ANXA8: variants seen among roughly 807,000 people sequenced by gnomAD.
The protein encoded by ANXA8 is VAC-beta.
Under a neutral mutation model 26.8 loss-of-function variants are expected in ANXA8, and 9 were observed. The ratio of observed to expected loss-of-function variants is 0.34; its 90% CI spans 0.20 to 0.59. ANXA8 has a LOEUF of 0.59. Among genes scored for constraint, ANXA8 ranks in the 20% least tolerant of loss-of-function variants. ANXA8 has a pLI of 0.84. For missense variants in ANXA8, 83 were observed against 238.5 expected, an observed-to-expected ratio of 0.35 and a Z score of 4.29; for synonymous variants, 39 against 94.8, an observed-to-expected ratio of 0.41 and a Z score of 3.42.
At chr10:47,667,370 C>A in the ANXA8 span, among the ~76,000 whole-genome samples, 2 of 151,940 alleles carry the variant, frequency 1.3e-5, no homozygotes, top group African/African-American at 4.8e-5. Flanking sequence ...TATTGTTAGC[C>A]ATTTCCCTCT....
chr10:47,651,296 A>AT, the ANXA8 span, among the ~76,000 whole-genome samples: 21 of 150,034 alleles, frequency 1.4e-4, no homozygotes, highest in East Asian at 1.7e-3. Context: ...AAAAAAAAAA[A>AT]ACCCAAAAAA....
chr10:47,988,269 C>T, the ANXA8 span, among the ~76,000 whole-genome samples: 3 of 14,004 alleles, frequency 2.1e-4, no homozygotes, highest in African/African-American at 4.7e-4. Context: ...CCTGAGGAGC[C>T]TCCCCTGGCC....
the ANXA8 span, among the ~76,000 whole-genome samples, chr10:47,552,965 G>A: frequency 1.0e-3 from 138 of 137,884 alleles, no homozygotes; most frequent in East Asian, 2.9e-3. Context: ...AAGTGAGTCA[G>A]AGGCTTCTCA....
intron 5 of ANXA8, 29 bp from the exon 6 acceptor site, chr10:47,475,601 A>AG: frequency 5.3e-6 from 8 of 1,496,060 alleles, no homozygotes; most frequent in Non-Finnish European, 7.4e-6. Context: ...ATGAGGCACA[A>AG]GCAGAGGCCC....
the ANXA8 span, among the ~76,000 whole-genome samples, chr10:47,678,598 C>A: frequency 6.6e-6 from 1 of 151,750 alleles, no homozygotes; most frequent in South Asian, 2.1e-4. Flanking sequence ...AGCAGTAGAA[C>A]CTATTCACAT....
the ANXA8 span, chr10:47,986,562 G>A: frequency 0.018 from 6,142 of 338,876 alleles, 165 homozygotes; most frequent in Middle Eastern, 0.055. Flanking sequence ...GGGCCAGGGC[G>A]GTGCAGCAGT....
At chr10:47,770,316 A>G in the ANXA8 span, among the ~76,000 whole-genome samples, 5 of 95,806 alleles carry the variant, frequency 5.2e-5, no homozygotes, top group Non-Finnish European at 1.0e-4. Context: ...ATGATGCGGC[A>G]GAGGCTGGAA....
the ANXA8 span, among the ~76,000 whole-genome samples, chr10:47,707,273 T>G: frequency 2.3e-4 from 33 of 144,058 alleles, 3 homozygotes; most frequent in South Asian, 6.6e-3. Flanking sequence ...AGGATTCTTA[T>G]TTCTGATCAA....
chr10:47,733,343 G>A, the ANXA8 span, among the ~76,000 whole-genome samples: 1 of 122,766 alleles, frequency 8.1e-6, no homozygotes, highest in African/African-American at 3.4e-5. Flanking sequence ...TCTCTCATCA[G>A]AAGAGGTCTT....
At chr10:47,666,889 T>G in the ANXA8 span, among the ~76,000 whole-genome samples, 2 of 152,132 alleles carry the variant, frequency 1.3e-5, no homozygotes, top group African/African-American at 4.8e-5. Context: ...TTTAAAAAAT[T>G]GATTTACTTG....
the ANXA8 span, among the ~76,000 whole-genome samples, chr10:47,684,195 C>G: frequency 6.6e-6 from 1 of 152,136 alleles, no homozygotes; most frequent in African/African-American, 2.4e-5. Context: ...AAAACATATC[C>G]TAGAATTATT....
Position 47,468,441 on chromosome 10 carries a change from C to G in ANXA8, c.*406G>C. 1.1e-5 allele frequency: 3 copies of G among 282,876 alleles called. No homozygotes were observed. In the South Asian group the frequency reaches 1.7e-4, roughly 16 times the overall value. 17.5% of individuals were successfully genotyped at this position (282,876 alleles called of 1,614,324 possible). A position where few individuals can be genotyped will look rare whatever the true frequency, so the allele number is the denominator to read the frequency against. ...GACGCTTGTTAAAAACCCATATTCCCTGGCCCCTCTTGTGGAGACCCTGTT... is the reference window on the plus strand; with the variant it reads ...GACGCTTGTTAAAAACCCATATTCCGTGGCCCCTCTTGTGGAGACCCTGTT... On this transcript the variant is annotated 3_prime_UTR_variant, in exon 12 of 12. Transcript: ENST00000585281.
the ANXA8 span, among the ~76,000 whole-genome samples, chr10:47,606,102 G>A: frequency 1.4e-5 from 2 of 142,120 alleles, no homozygotes; most frequent in South Asian, 2.2e-4. Flanking sequence ...CCAGATGGGT[G>A]AACATAAACC....
the ANXA8 span, among the ~76,000 whole-genome samples, chr10:47,595,975 TC>T: frequency 6.7e-6 from 1 of 148,488 alleles, no homozygotes; most frequent in African/African-American, 2.6e-5. Flanking sequence ...TTTCTCATCT[TC>T]ACATGGAACA....
chr10:47,982,759 G>A, the ANXA8 span, among the ~76,000 whole-genome samples: 1 of 129,060 alleles, frequency 7.7e-6, no homozygotes. Context: ...CATCAAGAAA[G>A]TCAAAAAGCA....
At chr10:47,670,332 A>G in the ANXA8 span, among the ~76,000 whole-genome samples, 3 of 151,962 alleles carry the variant, frequency 2.0e-5, no homozygotes, top group South Asian at 6.2e-4. Flanking sequence ...CTGATGTACA[A>G]TTTTTGGGGG....
At chr10:47,701,861 ATAAC>A in the ANXA8 span, among the ~76,000 whole-genome samples, 3 of 151,764 alleles carry the variant, frequency 2.0e-5, no homozygotes, top group African/African-American at 7.3e-5. Flanking sequence ...AATGAATAAA[ATAAC>A]TACACAGAAG....
At chr10:47,518,416 AT>A in the ANXA8 span, among the ~76,000 whole-genome samples, 88 of 100,238 alleles carry the variant, frequency 8.8e-4, 1 homozygote, top group Non-Finnish European at 7.8e-4. Flanking sequence ...ACGTATCTTA[AT>A]TTTTTTTTTT....
the ANXA8 span, among the ~76,000 whole-genome samples, chr10:47,503,772 A>G: frequency 1.5e-5 from 2 of 135,530 alleles, no homozygotes; most frequent in African/African-American, 5.7e-5. Context: ...AAAAAAAAAA[A>G]AAGAAAAAAA....
Sources: allele counts gnomAD v4.1 joint callset (sites outside exome capture counted in the v4.1 genomes callset), GRCh38; gene constraint gnomAD v4.1.1; transcripts MANE v1.5; gene names NCBI Gene and HGNC (gene_info 2026-07-23, HGNC 2026-07-21).